The following ARSJ variants were observed in gnomAD, a reference collection of about 807,000 sequenced individuals.
ARSJ encodes the protein arylsulfatase J.
A neutral mutation model predicts 35.9 loss-of-function variants in ARSJ; 26 were observed. That is an observed-to-expected ratio of 0.72 (90% confidence interval 0.53 to 1.00). The LOEUF (loss-of-function observed/expected upper bound fraction) is 1.00, where lower values mean the gene tolerates loss of function less well. ARSJ is among the 50% of genes least tolerant of loss of function. The pLI, the probability that ARSJ is intolerant of heterozygous loss-of-function variation, is 0.00. For synonymous variants in ARSJ, 294 were observed against 267.6 expected (o/e 1.10, Z -0.96); for missense variants, 667 against 723.6 (o/e 0.92, Z 0.90).
At position 113,903,034 on chromosome 4, in the gene ARSJ, G is replaced by A. The variant is rs777624210; in HGVS notation, c.1040C>T (p.Thr347Ile). The A allele has an allele frequency of 3.1e-6, 5 of 1,613,976 alleles. No individual in the cohort carries two copies. The Admixed American group carries it at 6.7e-5, about 22-fold the overall frequency. The change falls in exon 2 of 2, where the codon ACA becomes ATA. Residue 347 changes from threonine to isoleucine, a missense_variant. Thr to Ile is a moderately conservative substitution (Grantham distance 89). Coordinates refer to ENST00000315366, the MANE Select transcript of ARSJ (RefSeq NM_024590.4). ...SNWPLRGSKG[T>I]YWEGGIRAVG... ...AGCCCGGATCCCTCCTTCCCAATAT[G>A]TTCCTTTGCTACCTCTGAGAGGCCA...
intron 1 of ARSJ, among the ~76,000 whole-genome samples, chr4:113,939,742 A>G (rs948004607): frequency 6.6e-6 from 1 of 151,990 alleles, no homozygotes; most frequent in Non-Finnish European, 1.5e-5. Context: ...TCCCTTGCCC[A>G]CTTTTTGATG....
intron 1 of ARSJ, among the ~76,000 whole-genome samples, chr4:113,958,200 C>T (rs1306589764): frequency 1.3e-5 from 2 of 152,032 alleles, no homozygotes; most frequent in Non-Finnish European, 2.9e-5. Context: ...GCAAGCTGAA[C>T]ACCAGTTCTC....
At chr4:113,968,111 G>A (rs751826172) in intron 1 of ARSJ, among the ~76,000 whole-genome samples, 3 of 152,042 alleles carry the variant, frequency 2.0e-5, no homozygotes, top group African/African-American at 4.8e-5. Flanking sequence ...TGTTCTAAAC[G>A]CTTTAGGTAC....
rs766150372 is a variant in ARSJ, at chr4:113,905,660, A to ATTTTTTTT, written c.399-1993_399-1986dup. Among the ~76,000 whole-genome samples, 15 of 81,852 alleles carry ATTTTTTTT rather than the reference A, an allele frequency of 1.8e-4. 2 individuals carry two copies. Among genetic ancestry groups the ATTTTTTTT allele is most frequent in the East Asian group, 3.8e-4 (1 of 2,632 alleles). 53.7% of individuals were successfully genotyped at this position (81,852 alleles called of 152,430 possible). On this transcript the variant is annotated intron_variant, in intron 1 of 1. Transcript: ENST00000315366. ...GAAGGCATTGTTACTGTTCTTGATA[A>ATTTTTTTT]TTTTTTTTTTTTTTTTTTTTTTTTT...
intron 1 of ARSJ, among the ~76,000 whole-genome samples, chr4:113,947,619 A>G (rs866415370): frequency 1.9e-4 from 25 of 128,832 alleles, no homozygotes; most frequent in South Asian, 5.1e-4. Context: ...GGGAGGGAGG[A>G]AGGAAGGGAA....
chr4:113,907,493 A>C (rs2099669110), intron 1 of ARSJ, among the ~76,000 whole-genome samples: 1 of 151,162 alleles, frequency 6.6e-6, no homozygotes, highest in South Asian at 2.1e-4. Flanking sequence ...AAGAATGATA[A>C]TCTTACACTT....
intron 1 of ARSJ, among the ~76,000 whole-genome samples, chr4:113,932,543 A>G (rs1041928137): frequency 1.3e-5 from 2 of 152,034 alleles, no homozygotes; most frequent in East Asian, 1.9e-4. Context: ...CTAGAAATCA[A>G]TTGCAAGGGG....
At chr4:113,973,583 G>A (rs1334783713) in intron 1 of ARSJ, among the ~76,000 whole-genome samples, 1 of 152,128 alleles carries the variant, frequency 6.6e-6, no homozygotes, top group Non-Finnish European at 1.5e-5. Flanking sequence ...TCTCAAGTGG[G>A]CTCTCGTTAC....
intron 1 of ARSJ, among the ~76,000 whole-genome samples, chr4:113,907,011 G>A (rs985602024): frequency 2.0e-5 from 3 of 152,148 alleles, no homozygotes; most frequent in South Asian, 4.1e-4. Flanking sequence ...AGAAGTTGTG[G>A]TTTTCTCCCC....
At chr4:113,926,552 G>C (rs911118062) in intron 1 of ARSJ, among the ~76,000 whole-genome samples, 34 of 152,128 alleles carry the variant, frequency 2.2e-4, no homozygotes, top group African/African-American at 8.0e-4. Context: ...GTGCATGCTG[G>C]GGGAGGTAGG....
intron 1 of ARSJ, among the ~76,000 whole-genome samples, chr4:113,958,570 A>C (rs1726339528): frequency 6.6e-6 from 1 of 152,034 alleles, no homozygotes; most frequent in South Asian, 2.1e-4. Flanking sequence ...CTCCTACATC[A>C]TAGATTGGTT....
At position 113,922,952 on chromosome 4, in the gene ARSJ, T is replaced by C. The variant is rs74368121; in HGVS notation, c.399-19277A>G. Among the ~76,000 whole-genome samples the C allele has an allele frequency of 3.4e-3, 524 of 152,286 alleles. 4 individuals are homozygous for C. Among genetic ancestry groups the C allele is most frequent in the African/African-American group, 0.012 (507 of 41,572 alleles). On this transcript the variant is annotated intron_variant, in intron 1 of 1. Transcript: ENST00000315366. ...AACATGAGATTATCATTTAAGTCGG[T>C]TGACTTTGAGTAAAACAGATTACCC...
chr4:113,971,709 C>T (rs1164080836), intron 1 of ARSJ, among the ~76,000 whole-genome samples: 4 of 152,252 alleles, frequency 2.6e-5, no homozygotes, highest in Middle Eastern at 3.4e-3. Flanking sequence ...GTACATTTTT[C>T]TAAATGTTTA....
At chr4:113,960,514 T>A (rs527666607) in intron 1 of ARSJ, among the ~76,000 whole-genome samples, 1 of 152,192 alleles carries the variant, frequency 6.6e-6, no homozygotes, top group African/African-American at 2.4e-5. Flanking sequence ...TGCCTCAACT[T>A]TAATAGCTAT....
chr4:113,902,863 C>T lies in ARSJ; in HGVS notation c.1211G>A (p.Trp404Ter), dbSNP rs868374741. ...EDIQLDGYDIWETISEGLRSP... is the reference protein window; with the variant it reads ...EDIQLDGYDI The stretch of plus-strand genomic sequence containing the variant: ...GCGAAGACCCTCACTTATGGTCTCC[C>T]AGATATCATAGCCATCTAGTTGAAT... The change falls in exon 2 of 2, where the codon TGG (tryptophan) becomes TAG (stop). Residue 404 changes from tryptophan to a stop codon, truncating the protein, a stop_gained. Transcript: ENST00000315366. LOFTEE classifies it high-confidence loss of function. The T allele has an allele frequency of 1.9e-6, 3 of 1,614,066 alleles. No individual in the cohort carries two copies. The highest frequency in any genetic ancestry group is 2.5e-6 in the Non-Finnish European group (3 of 1,180,040).
chr4:113,969,366 CT>C (rs35329403), intron 1 of ARSJ, among the ~76,000 whole-genome samples: 49,694 of 151,800 alleles, frequency 0.33, 8,230 homozygotes, highest in Admixed American at 0.36. Flanking sequence ...AATTTTAACC[CT>C]TTTTTTAATC....
Position 113,978,685 on chromosome 4 carries a change from T to G in ARSJ, c.150A>C (p.Leu50Phe), listed in dbSNP as rs1289692986. ...GTAAGGCCCCTTCTTCCTCCTCTTC[T>G]AAGGCCTGGCCCCAGGACAGGTAAC... ...TYGYLSWGQA[L>F]EEEEEGALLA... The change falls in exon 1 of 2, where the codon TTA becomes TTC. Residue 50 changes from leucine (L) to phenylalanine (F), a missense_variant. By Grantham distance (22) the Leu-to-Phe change is conservative. Coordinates refer to ENST00000315366, the MANE Select transcript of ARSJ (RefSeq NM_024590.4). The G allele has an allele frequency of 3.1e-6, 5 of 1,614,234 alleles. No individual in the cohort carries two copies. The highest frequency in any genetic ancestry group is 1.1e-5 in the South Asian group (1 of 91,084).
chr4:113,918,907 C>T (rs961809976), intron 1 of ARSJ, among the ~76,000 whole-genome samples: 6 of 152,040 alleles, frequency 3.9e-5, no homozygotes, highest in African/African-American at 1.2e-4. Context: ...ATCCTCTCAC[C>T]TCAGCCTCCT....
Position 113,978,734 on chromosome 4 carries a change from C to T in ARSJ, c.101G>A (p.Trp34Ter). The change falls in exon 1 of 2, where the codon TGG becomes TAG. Residue 34 changes from tryptophan to a stop codon, truncating the protein, a stop_gained. Transcript: ENST00000315366. LOFTEE classifies it high-confidence loss of function. ...MLAMGALAGFWILCLLTYGYL... is the reference protein window; with the variant it reads ...MLAMGALAGF ...ACCATAAGTGAGGAGGCAGAGGATCCAGAATCCTGCCAGCGCCCCCATTGC... is the reference window on the plus strand; with the variant it reads ...ACCATAAGTGAGGAGGCAGAGGATCTAGAATCCTGCCAGCGCCCCCATTGC... 1 of 1,614,234 alleles carries T rather than the reference C, an allele frequency of 6.2e-7. No individual in the cohort carries two copies. Among genetic ancestry groups the T allele is most frequent in the Non-Finnish European group, 8.5e-7 (1 of 1,180,044 alleles).
Sources: gnomAD v4.1 joint callset for allele counts (sites outside exome capture counted in the v4.1 genomes callset) on GRCh38, gnomAD v4.1.1 for gene constraint, MANE v1.5 for transcripts, NCBI Gene and HGNC (gene_info 2026-07-23, HGNC 2026-07-21) for gene names.